SGF29: variants seen among roughly 807,000 people sequenced by gnomAD.
The protein encoded by SGF29 is SAGA-associated factor 29.
SGF29 carries 15 observed loss-of-function variants against 38.1 expected under a neutral mutation model. That is an observed-to-expected ratio of 0.39 (90% CI 0.26 to 0.61). The LOEUF is 0.61. Among genes scored for constraint, SGF29 ranks in the 20% least tolerant of loss-of-function variants. SGF29 has a pLI of 0.49. For missense variants in SGF29, 184 were observed against 394.6 expected, an observed-to-expected ratio of 0.47 and a Z score of 4.52; for synonymous variants, 151 against 160.8, an observed-to-expected ratio of 0.94 and a Z score of 0.46.
At chr16:28,583,437 T>C (rs550713588) in intron 2 of SGF29, among the ~76,000 whole-genome samples, 1 of 152,232 alleles carries the variant, frequency 6.6e-6, no homozygotes, top group East Asian at 1.9e-4. Context: ...TACACAGGTA[T>C]GGACTATTGG....
chr16:28,578,587 C>T (rs879270986), intron 1 of SGF29, among the ~76,000 whole-genome samples: 7 of 150,812 alleles, frequency 4.6e-5, no homozygotes, highest in Non-Finnish European at 7.4e-5. Flanking sequence ...AAATACATGG[C>T]GAGAGGTTCG....
At chr16:28,554,147 G>A (rs570200600) in intron 1 of SGF29, 50 bp downstream of exon 1, 4 of 152,374 alleles carry the variant, frequency 2.6e-5, no homozygotes, top group African/African-American at 7.2e-5. Context: ...ACGCGGGAGC[G>A]AAGGGCTGAG....
chr16:28,574,465 C>T (rs931783665), intron 1 of SGF29, among the ~76,000 whole-genome samples: 1 of 152,190 alleles, frequency 6.6e-6, no homozygotes, highest in African/African-American at 2.4e-5. Context: ...AATGTGCATG[C>T]TCAGGAAGGT....
At chr16:28,556,258 C>T (rs923232503) in intron 1 of SGF29, among the ~76,000 whole-genome samples, 2 of 152,188 alleles carry the variant, frequency 1.3e-5, no homozygotes, top group African/African-American at 4.8e-5. Context: ...CAACCTCTGC[C>T]TCCCGGGTTC....
rs1488250470 is a variant in SGF29 at position 28,564,757 on chromosome 16, ATATATGTATATATATG to A, written c.-16+10666_-16+10681del. On this transcript the variant is annotated intron_variant, in intron 1 of 9. Transcript: ENST00000317058. ...TATATGTATATATGTATATATATGT[ATATATGTATATATATG>A]TATATATATATATACACACACACAC... Among the ~76,000 whole-genome samples, 648 of 66,618 alleles carry A rather than the reference ATATATGTATATATATG, an allele frequency of 9.7e-3. 10 individuals carry two copies. Among genetic ancestry groups the A allele is most frequent in the South Asian group, 0.041 (113 of 2,734 alleles). The allele number at this position is 66,618 out of a possible 152,430, so 43.7% of individuals were successfully genotyped here.
At chr16:28,557,554 A>T (rs946553239) in intron 1 of SGF29, among the ~76,000 whole-genome samples, 8 of 152,146 alleles carry the variant, frequency 5.3e-5, no homozygotes, top group Admixed American at 1.3e-4. Flanking sequence ...CCAAGGAGGG[A>T]GTCATGGAAA....
At chr16:28,591,516 T>A in intron 9 of SGF29, 74 bp from the exon 10 acceptor site, 2 of 1,031,830 alleles carry the variant, frequency 1.9e-6, no homozygotes, top group East Asian at 4.7e-5. Flanking sequence ...TCCTGTGGTC[T>A]AGGCTGGGGG....
intron 1 of SGF29, among the ~76,000 whole-genome samples, chr16:28,579,927 G>A (rs1053845440): frequency 6.6e-5 from 10 of 150,748 alleles, no homozygotes; most frequent in South Asian, 4.2e-4. Context: ...CAAGACTCCC[G>A]TCTCAAAAAA....
At chr16:28,556,548 T>C (rs1596593956) in intron 1 of SGF29, among the ~76,000 whole-genome samples, 1 of 152,236 alleles carries the variant, frequency 6.6e-6, no homozygotes, top group South Asian at 2.1e-4. Flanking sequence ...GGTTTCACCA[T>C]GTTGGCCAGG....
chr16:28,581,517 A>G (rs904799878), intron 2 of SGF29, among the ~76,000 whole-genome samples: 2 of 152,006 alleles, frequency 1.3e-5, no homozygotes, highest in African/African-American at 4.8e-5. Context: ...CTTCCACCCT[A>G]TTAATCCAGG....
chr16:28,580,981 A>G, intron 1 of SGF29, 74 bp from the exon 2 acceptor site: 1 of 1,125,130 alleles, frequency 8.9e-7, no homozygotes, highest in Non-Finnish European at 1.3e-6. Flanking sequence ...GGCCTAATGT[A>G]TCTTTTGAGG....
At chr16:28,576,161 G>A (rs1170967626) in intron 1 of SGF29, among the ~76,000 whole-genome samples, 4 of 150,702 alleles carry the variant, frequency 2.7e-5, no homozygotes, top group South Asian at 2.1e-4. Context: ...GTGTAAATAC[G>A]TTAAAAAAAA....
At chr16:28,564,437 G>A (rs1224264354) in intron 1 of SGF29, among the ~76,000 whole-genome samples, 2 of 149,948 alleles carry the variant, frequency 1.3e-5, no homozygotes, top group Non-Finnish European at 2.9e-5. Context: ...AACCAGAATG[G>A]TGGTTAGAGA....
chr16:28,585,481 T>C (rs1214175594), intron 3 of SGF29, 167 bp from the exon 4 acceptor site: 1 of 649,976 alleles, frequency 1.5e-6, no homozygotes, highest in African/African-American at 1.8e-5. Flanking sequence ...TGCGGACTCA[T>C]GGAGCCTGGG....
At chr16:28,554,986 G>GCAT (rs2046739680) in intron 1 of SGF29, among the ~76,000 whole-genome samples, 1 of 152,120 alleles carries the variant, frequency 6.6e-6, no homozygotes, top group Non-Finnish European at 1.5e-5. Flanking sequence ...TCTAACCTAG[G>GCAT]CATCATCTCA....
intron 4 of SGF29, among the ~76,000 whole-genome samples, chr16:28,588,867 G>A (rs1229325462): frequency 6.5e-5 from 9 of 137,826 alleles, no homozygotes; most frequent in Non-Finnish European, 3.3e-5. Flanking sequence ...CACCACACCC[G>A]GGCAGATTTC....
Position 28,584,896 on chromosome 16 carries a change from T to A in SGF29, c.76-17T>A. On this transcript the variant is annotated splice_polypyrimidine_tract_variant and intron_variant, in intron 2 of 9. Transcript: ENST00000317058. Reference sequence around the variant, plus strand: ...ACAAAGGGCCACCGTCATGTCCTGCTGCTCTTTTCCTTACAGGAAGAGCGT... The same window carrying A: ...ACAAAGGGCCACCGTCATGTCCTGCAGCTCTTTTCCTTACAGGAAGAGCGT... 1.9e-6 allele frequency: 3 copies of A among 1,609,430 alleles called. No individual in the cohort carries two copies. The highest frequency in any genetic ancestry group is 2.5e-6 in the Non-Finnish European group (3 of 1,176,530).
At chr16:28,585,350 G>A (rs2046950506) in intron 3 of SGF29, 10 of 541,722 alleles carry the variant, frequency 1.8e-5, no homozygotes, top group Non-Finnish European at 3.3e-5. Context: ...TCTTACTCTG[G>A]GTAACTCTGA....
rs754071520 is a variant in SGF29 at position 28,590,652 on chromosome 16, T to C, written c.588T>C (p.Asp196=). The C allele has an allele frequency of 6.2e-6, 10 of 1,613,908 alleles. No homozygotes were observed. Among genetic ancestry groups the C allele is most frequent in the Admixed American group, 3.3e-5 (2 of 60,010 alleles). Residue 196 remains aspartate, a synonymous_variant, in exon 8 of 10, where the codon GAT becomes GAC. Coordinates refer to ENST00000317058, the MANE Select transcript of SGF29 (RefSeq NM_138414.3). The surrounding 1 kb of genome is among the most constrained non-coding windows in gnomAD (Gnocchi z 8.2). ...GCAGGTATGAGGTAGATGACATCGA[T>C]GAAGAAGGCAAAGAGTGAGTGTCCA... is the stretch of plus-strand genomic sequence containing the variant. ...ATNKYEVDDI[D]EEGKERHTLS... is the part of the protein sequence containing the mutation.
Sources: gnomAD v4.1 joint callset for allele counts (sites outside exome capture counted in the v4.1 genomes callset) on GRCh38, gnomAD v4.1.1 for gene constraint, Gnocchi (gnomAD v3.1) non-coding constraint, MANE v1.5 for transcripts, NCBI Gene and HGNC (gene_info 2026-07-23, HGNC 2026-07-21) for gene names.